The following F11R variants were observed in gnomAD, a reference collection of about 807,000 sequenced individuals.
F11R encodes junctional adhesion molecule A.
In F11R, 27 loss-of-function variants were observed where a neutral mutation model predicts 39.3. That is an observed-to-expected ratio of 0.69 (90% CI 0.51 to 0.95). F11R has a LOEUF of 0.95. Ranked by LOEUF, F11R falls within the 40% of genes least tolerant of loss-of-function variation. The pLI, the probability that F11R is intolerant of heterozygous loss-of-function variation, is 0.00. For synonymous variants in F11R, 131 were observed against 144.9 expected (o/e 0.90, Z 0.69); for missense variants, 335 against 372.7 (o/e 0.90, Z 0.83).
At chr1:161,014,370 G>T (rs182729997) in intron 1 of F11R, among the ~76,000 whole-genome samples, 5 of 152,280 alleles carry the variant, frequency 3.3e-5, no homozygotes, top group East Asian at 1.9e-4. Flanking sequence ...TGACTTGGAG[G>T]GGGGTGGGAT....
At chr1:161,008,367 C>A (rs892267286) in intron 1 of F11R, among the ~76,000 whole-genome samples, 7 of 152,062 alleles carry the variant, frequency 4.6e-5, no homozygotes, top group Non-Finnish European at 7.4e-5. Flanking sequence ...TGGTCGCAGG[C>A]ACCTGTAGTC....
intron 1 of F11R, among the ~76,000 whole-genome samples, chr1:161,009,262 T>C (rs184158793): frequency 2.0e-5 from 3 of 152,206 alleles, no homozygotes; most frequent in East Asian, 3.9e-4. Context: ...TGCAAAACAC[T>C]GTCAAAGCAA....
intron 1 of F11R, among the ~76,000 whole-genome samples, chr1:161,008,891 A>G (rs1180875753): frequency 1.3e-5 from 2 of 152,166 alleles, no homozygotes; most frequent in African/African-American, 2.4e-5. Flanking sequence ...GCAAGCTAAG[A>G]AAGTTCCAAT....
intron 1 of F11R, chr1:161,002,427 A>G (rs569977527): frequency 6.6e-6 from 1 of 152,272 alleles, no homozygotes; most frequent in Admixed American, 6.5e-5. Context: ...GGCTAATTAA[A>G]TAATATGGGG....
chr1:161,000,143 T>C lies in F11R; in HGVS notation c.591+3A>G, dbSNP rs1159501416. 5 of 1,614,108 alleles carry C rather than the reference T, an allele frequency of 3.1e-6. No individual in the cohort carries two copies. The highest frequency in any genetic ancestry group is 4.2e-6 in the Non-Finnish European group (5 of 1,179,986). The stretch of plus-strand genomic sequence containing the variant: ...ACATCTTTCACCACCACCCCATACA[T>C]ACCAGCTCTCCTGTTGTGGGATTCA... On this transcript the variant is annotated splice_donor_region_variant and intron_variant, in intron 5 of 9. Transcript: ENST00000368026.
rs1648207037 is a variant in F11R at position 160,997,664 on chromosome 1, C to T, written c.*1207G>A. On this transcript the variant is annotated 3_prime_UTR_variant, in exon 10 of 10. Coordinates refer to ENST00000368026, the MANE Select transcript of F11R (RefSeq NM_016946.6). ...AAGGAGCCTAGGAACCCTCAAAGAC[C>T]TTTTCCCCTACTTACTTCCCACAAA... The T allele has an allele frequency of 6.5e-6, 1 of 152,744 alleles. No individual in the cohort carries two copies. The highest frequency in any genetic ancestry group is 2.1e-4 in the South Asian group (1 of 4,824). The allele number at this position is 152,744 out of a possible 1,614,324, so 9.5% of individuals were successfully genotyped here.
In F11R at chr1:161,010,473, A is replaced by G. The variant is rs993051987; in HGVS notation, c.65-9120T>C. Among the ~76,000 whole-genome samples the G allele has an allele frequency of 2.8e-5, 4 of 143,982 alleles. No homozygotes were observed. The East Asian group carries it at 8.3e-4, about 30-fold the overall frequency. 94.5% of individuals were successfully genotyped at this position (143,982 alleles called of 152,430 possible). A position where few individuals can be genotyped will look rare whatever the true frequency, so the allele number is the denominator to read the frequency against. ...AAAAAAAAAACAGTTGATCCAAACC[A>G]TATGGCTACAAATAGCAAGGTAGGA... On this transcript the variant is annotated intron_variant, in intron 1 of 9. Transcript: ENST00000368026.
chr1:161,018,751 C>T (rs2101993037), intron 1 of F11R, among the ~76,000 whole-genome samples: 1 of 152,230 alleles, frequency 6.6e-6, no homozygotes, highest in Admixed American at 6.5e-5. Context: ...CCTCCCCCAA[C>T]CCAACCCCAG....
At position 161,000,680 on chromosome 1, in the gene F11R, C is replaced by T; in HGVS notation, c.339G>A (p.Glu113=). ...DTGTYTCMVS[E]EGGNSYGEVK... Reference sequence around the variant, plus strand: ...CCTCCCCATAGCTGTTGCCGCCTTCCTCAGAGACCATACAAGTGTATGTCC... The same window carrying T: ...CCTCCCCATAGCTGTTGCCGCCTTCTTCAGAGACCATACAAGTGTATGTCC... The change falls in exon 4 of 10, where the codon GAG becomes GAA. Residue 113 remains glutamate, a synonymous_variant. Coordinates refer to ENST00000368026, the MANE Select transcript of F11R (RefSeq NM_016946.6). 1 of 1,614,192 alleles carries T rather than the reference C, an allele frequency of 6.2e-7. No individual in the cohort carries two copies. Among genetic ancestry groups the T allele is most frequent in the Non-Finnish European group, 8.5e-7 (1 of 1,180,036 alleles).
At chr1:161,013,491 C>T (rs746096270) in intron 1 of F11R, among the ~76,000 whole-genome samples, 19 of 152,228 alleles carry the variant, frequency 1.2e-4, no homozygotes, top group Non-Finnish European at 2.8e-4. Context: ...TTCCTCCCCA[C>T]CACTCACCCT....
chr1:160,999,246 G>A, intron 8 of F11R, 150 bp downstream of exon 8: 1 of 1,422,286 alleles, frequency 7.0e-7, no homozygotes, highest in Non-Finnish European at 9.9e-7. Context: ...CCAGGGCCAA[G>A]GCCACAGAGA....
rs1395106436 is a variant in F11R, at chr1:161,015,403, A to ATAT, written c.64+5606_64+5607insATA. On this transcript the variant is annotated intron_variant, in intron 1 of 9. Coordinates refer to ENST00000368026, the MANE Select transcript of F11R (RefSeq NM_016946.6). ...ACAGAGCCAGACTCCATCTCAAAAA[A>ATAT]AAAAATATATATATATATATATATA... Among the ~76,000 whole-genome samples the ATAT allele has an allele frequency of 5.9e-3, 786 of 132,982 alleles. 10 individuals carry two copies. Among genetic ancestry groups the ATAT allele is most frequent in the African/African-American group, 0.021 (718 of 34,396 alleles). 87.2% of individuals were successfully genotyped at this position (132,982 alleles called of 152,430 possible).
At position 161,000,355 on chromosome 1, in the gene F11R, AAG is replaced by A. The variant is rs767157146; in HGVS notation, c.389-9_389-8del. The A allele has an allele frequency of 1.4e-5, 23 of 1,613,116 alleles. No homozygotes were observed. Among genetic ancestry groups the A allele is most frequent in the Non-Finnish European group, 1.7e-5 (20 of 1,179,944 alleles). On this transcript the variant is annotated splice_polypyrimidine_tract_variant and splice_region_variant and intron_variant, in intron 4 of 9. Transcript: ENST00000368026. ...GTAGGCTTGGATGGAGGCACTGTGG[AAG>A]AGAAAGACAGAAGGTGCTGAGTACA... is the stretch of plus-strand genomic sequence containing the variant.
chr1:161,000,696 G>C lies in F11R; in HGVS notation c.323C>G (p.Thr108Ser). 1 of 1,614,190 alleles carries C rather than the reference G, an allele frequency of 6.2e-7. No homozygotes were observed. Residue 108 changes from threonine (T) to serine (S), a missense_variant, in exon 4 of 10, where the codon ACT becomes AGT. Physicochemically the swap from Thr to Ser is moderately conservative, Grantham distance 58 (BLOSUM62 1). Coordinates refer to ENST00000368026, the MANE Select transcript of F11R (RefSeq NM_016946.6). ...SVTREDTGTY[T>S]CMVSEEGGNS... ...GCCGCCTTCCTCAGAGACCATACAA[G>C]TGTATGTCCCAGTGTCTTCCCGTGT...
At chr1:161,002,261 C>CAAAAAAAAAAAAAAAAA in intron 1 of F11R, among the ~76,000 whole-genome samples, 1 of 68,668 alleles carries the variant, frequency 1.5e-5, no homozygotes, top group Non-Finnish European at 2.8e-5. Context: ...GACTCAATCT[C>CAAAAAAAAAAAAAAAAA]AAAAAAAAAA....
chr1:161,014,159 G>A (rs1373362851), intron 1 of F11R, among the ~76,000 whole-genome samples: 1 of 152,196 alleles, frequency 6.6e-6, no homozygotes, highest in African/African-American at 2.4e-5. Context: ...AGGTCATCCA[G>A]GTCTTTCCTG....
intron 1 of F11R, among the ~76,000 whole-genome samples, chr1:161,013,321 A>G (rs1319093070): frequency 6.6e-6 from 1 of 152,186 alleles, no homozygotes; most frequent in East Asian, 1.9e-4. Context: ...TCCTCACCCC[A>G]CCAGCTACAG....
intron 1 of F11R, among the ~76,000 whole-genome samples, chr1:161,006,889 G>A (rs1287169368): frequency 6.6e-6 from 1 of 152,224 alleles, no homozygotes; most frequent in Non-Finnish European, 1.5e-5. Flanking sequence ...TCTAGGCTGG[G>A]TGCGGTGGCT....
At chr1:161,007,185 G>T (rs1648868538) in intron 1 of F11R, among the ~76,000 whole-genome samples, 1 of 124,514 alleles carries the variant, frequency 8.0e-6, no homozygotes, top group Non-Finnish European at 1.8e-5. Flanking sequence ...AAAAAAAAAT[G>T]CTGGGCGCAG....
Sources: allele counts gnomAD v4.1 joint callset (sites outside exome capture counted in the v4.1 genomes callset), GRCh38; gene constraint gnomAD v4.1.1; transcripts MANE v1.5; gene names NCBI Gene and HGNC (gene_info 2026-07-23, HGNC 2026-07-21).